The following SH2D1B variants were observed in gnomAD, a reference collection of about 807,000 sequenced individuals.
SH2D1B encodes SH2 domain containing 1B, also known as SH2 domain-containing protein 1B.
SH2D1B carries 11 observed loss-of-function variants against 16.3 expected under a neutral mutation model. The observed-to-expected ratio is 0.67, with a 90% CI of 0.42 to 1.11. The LOEUF (loss-of-function observed/expected upper bound fraction) is 1.11. SH2D1B is among the 50% of genes most tolerant of loss of function. The probability of loss-of-function intolerance (pLI) is 0.00; values close to 1 mark genes in which losing one functional copy is unlikely to be tolerated. For missense variants in SH2D1B, 123 were observed against 153.1 expected (o/e 0.80, Z 1.04); for synonymous variants, 55 against 56.1 (o/e 0.98, Z 0.09).
intron 2 of SH2D1B, among the ~76,000 whole-genome samples, chr1:162,402,186 G>A (rs1409988789): frequency 1.3e-5 from 2 of 152,162 alleles, no homozygotes; most frequent in Non-Finnish European, 2.9e-5. Flanking sequence ...GCCAGTGGAG[G>A]AGCCACAGTG....
In SH2D1B at chr1:162,402,723, T is replaced by A. The variant is rs200985346; in HGVS notation, c.198+16A>T. 1.1e-5 allele frequency: 18 copies of A among 1,607,620 alleles called. No individual in the cohort carries two copies. In the East Asian group the frequency reaches 4.0e-4, roughly 36 times the overall value. On this transcript the variant is annotated intron_variant, in intron 2 of 3. Transcript: ENST00000367929. ...AACTTTTGTGTTGTTGTTGTTGTCG[T>A]CCTTTTTGTTCTTACCTGTATCCTG...
intron 1 of SH2D1B, among the ~76,000 whole-genome samples, chr1:162,410,651 TTTTTC>T (rs967787363): frequency 1.4e-5 from 2 of 140,898 alleles, no homozygotes; most frequent in Non-Finnish European, 3.0e-5. Context: ...TTTGTTTTTC[TTTTTC>T]TTTTTTTTTT....
At chr1:162,404,560 T>C (rs1648607369) in intron 1 of SH2D1B, among the ~76,000 whole-genome samples, 1 of 152,166 alleles carries the variant, frequency 6.6e-6, no homozygotes, top group Admixed American at 6.5e-5. Context: ...AATTAGATTG[T>C]ATACTTTAAA....
intron 1 of SH2D1B, among the ~76,000 whole-genome samples, chr1:162,410,170 C>G (rs1648759377): frequency 6.6e-6 from 1 of 152,184 alleles, no homozygotes; most frequent in South Asian, 2.1e-4. Flanking sequence ...ATCCCCCAGG[C>G]AACATCTGAT....
chr1:162,401,454 TTTA>T (rs779951491), intron 2 of SH2D1B, among the ~76,000 whole-genome samples: 1 of 152,210 alleles, frequency 6.6e-6, no homozygotes, highest in Non-Finnish European at 1.5e-5. Context: ...ATGTTAACAT[TTTA>T]TTATATTTGC....
At chr1:162,397,453 A>C in intron 3 of SH2D1B, 138 bp from the exon 4 acceptor site, 1 of 838,620 alleles carries the variant, frequency 1.2e-6, no homozygotes, top group South Asian at 1.6e-5. Flanking sequence ...TTGTATCTTT[A>C]AAGGCTGGGG....
chr1:162,400,142 A>C (rs962499317), intron 2 of SH2D1B, among the ~76,000 whole-genome samples: 2 of 152,202 alleles, frequency 1.3e-5, no homozygotes, highest in African/African-American at 4.8e-5. Context: ...AAAATACACA[A>C]TTTGTATACT....
chr1:162,397,186 G>T lies in SH2D1B; in HGVS notation c.*94C>A. 7.3e-7 allele frequency: 1 copy of T among 1,368,508 alleles called. No homozygotes were observed. Among genetic ancestry groups the T allele is most frequent in the Non-Finnish European group, 1.0e-6 (1 of 960,616 alleles). The allele number at this position is 1,368,508 out of a possible 1,614,324, so 84.8% of individuals were successfully genotyped here. A position where few individuals can be genotyped will look rare whatever the true frequency, so the allele number is the denominator to read the frequency against. On this transcript the variant is annotated 3_prime_UTR_variant, in exon 4 of 4. Coordinates refer to ENST00000367929, the MANE Select transcript of SH2D1B (RefSeq NM_053282.5). ...CCAGGAGAGTCTGAATTGTCCACTA[G>T]AGTTTGGTGCTCTGGACCTATGCCT...
intron 2 of SH2D1B, 182 bp downstream of exon 2, chr1:162,402,557 C>T: frequency 1.8e-6 from 1 of 553,622 alleles, no homozygotes. Context: ...GAACCCAAGC[C>T]TAGAACCTTC....
chr1:162,399,019 T>C lies in SH2D1B; in HGVS notation c.267A>G (p.Pro89=), dbSNP rs770635608. 1 of 1,614,052 alleles carries C rather than the reference T, an allele frequency of 6.2e-7. No individual in the cohort carries two copies. The highest frequency in any genetic ancestry group is 8.5e-7 in the Non-Finnish European group (1 of 1,180,020). ...LKELISKFEK[P]NQGMVVHLLK... ...AAAGGTGAACCACCATCCCCTGATT[T>C]GGTTTTTCAAATTTGGAGATCAGTT... The change falls in exon 3 of 4, where the codon CCA becomes CCG. Residue 89 remains proline (P), a synonymous_variant. Coordinates refer to ENST00000367929, the MANE Select transcript of SH2D1B (RefSeq NM_053282.5).
chr1:162,397,299 T>C lies in SH2D1B; in HGVS notation c.380A>G (p.Tyr127Cys), dbSNP rs1251761655. 1 of 1,613,650 alleles carries C rather than the reference T, an allele frequency of 6.2e-7. No individual in the cohort carries two copies. Among genetic ancestry groups the C allele is most frequent in the Non-Finnish European group, 8.5e-7 (1 of 1,179,838 alleles). The change falls in exon 4 of 4, where the codon TAT becomes TGT. Residue 127 changes from tyrosine to cysteine, a missense_variant. Physicochemically the swap from Tyr to Cys is radical, Grantham distance 194. Coordinates refer to ENST00000367929, the MANE Select transcript of SH2D1B (RefSeq NM_053282.5). ...TTATCTTCAAGGCAAGACATCCACA[T>C]AATCGCTGTTACTGTTCTTTGGAGG... Reference protein sequence around the residue: ...LETFVNSNSDYVDVLP With the variant: ...LETFVNSNSDCVDVLP
chr1:162,399,487 A>G (rs72702031), intron 2 of SH2D1B, among the ~76,000 whole-genome samples: 6,897 of 152,294 alleles, frequency 0.045, 294 homozygotes, highest in African/African-American at 0.11. Flanking sequence ...CAAAAATGCA[A>G]TTAAAAAAAA....
At chr1:162,400,591 A>T (rs1356751792) in intron 2 of SH2D1B, among the ~76,000 whole-genome samples, 1 of 151,272 alleles carries the variant, frequency 6.6e-6, no homozygotes, top group Non-Finnish European at 1.5e-5. Flanking sequence ...GGCGGGAGCC[A>T]CCATGCCTGG....
Position 162,402,754 on chromosome 1 carries a change from C to A in SH2D1B, c.183G>T (p.Gly61=), listed in dbSNP as rs773692507. 1.1e-5 allele frequency: 18 copies of A among 1,613,588 alleles called. No homozygotes were observed. Among genetic ancestry groups the A allele is most frequent in the Non-Finnish European group, 1.5e-5 (18 of 1,179,684 alleles). ...TTGTTCTTACCTGTATCCTGTAATA[C>A]CCGTGTTTCTCTCTGAAGATTCGGT... ...YTYRIFREKH[G]YYRIQTAEGS... is the part of the protein sequence containing the mutation. Residue 61 remains glycine (G), a synonymous_variant, in exon 2 of 4, where the codon GGG becomes GGT. Coordinates refer to ENST00000367929, the MANE Select transcript of SH2D1B (RefSeq NM_053282.5).
At chr1:162,409,191 C>T (rs991409459) in intron 1 of SH2D1B, among the ~76,000 whole-genome samples, 5 of 151,840 alleles carry the variant, frequency 3.3e-5, no homozygotes, top group Non-Finnish European at 7.4e-5. Context: ...TCTGTCCTTG[C>T]ACCTTCTTGT....
chr1:162,407,233 A>G (rs1648673387), intron 1 of SH2D1B, among the ~76,000 whole-genome samples: 2 of 152,194 alleles, frequency 1.3e-5, no homozygotes, highest in South Asian at 2.1e-4. Context: ...AAATAAAGGG[A>G]AAGAGTACAA....
At chr1:162,401,803 C>T (rs1648523372) in intron 2 of SH2D1B, among the ~76,000 whole-genome samples, 1 of 152,042 alleles carries the variant, frequency 6.6e-6, no homozygotes, top group Non-Finnish European at 1.5e-5. Flanking sequence ...TCAGAGTAAA[C>T]ATTAATATAC....
At chr1:162,411,669 C>A (rs1648798076) in intron 1 of SH2D1B, among the ~76,000 whole-genome samples, 1 of 152,184 alleles carries the variant, frequency 6.6e-6, no homozygotes. Flanking sequence ...GCTGCAGAGT[C>A]TGCTTGCAGG....
chr1:162,409,552 T>G (rs111698515), intron 1 of SH2D1B, among the ~76,000 whole-genome samples: 3 of 152,104 alleles, frequency 2.0e-5, no homozygotes, highest in Non-Finnish European at 4.4e-5. Context: ...TCCATCCCAT[T>G]TACATGTAAG....
Sources: allele counts gnomAD v4.1 joint callset (sites outside exome capture counted in the v4.1 genomes callset), GRCh38; gene constraint gnomAD v4.1.1; transcripts MANE v1.5; gene names NCBI Gene and HGNC (gene_info 2026-07-23, HGNC 2026-07-21).